Variants in INSL4 observed in about 807,000 individuals in gnomAD.
INSL4 encodes the protein insulin like 4, also known as early placenta insulin-like peptide.
A neutral mutation model predicts 6.5 loss-of-function variants in INSL4; 7 were observed. That is an observed-to-expected ratio of 1.08 (90% confidence interval 0.61 to 2.02). INSL4 has a LOEUF of 2.02. INSL4 is among the 30% of genes most tolerant of loss of function. INSL4 has a pLI of 0.00. For missense variants in INSL4, 226 were observed against 163.2 expected, an observed-to-expected ratio of 1.38 and a Z score of -2.09; for synonymous variants, 82 against 65.8, an observed-to-expected ratio of 1.25 and a Z score of -1.19.
In INSL4 at chr9:5,231,715, C is replaced by T; in HGVS notation, c.192C>T (p.Pro64=). 1.9e-6 allele frequency: 3 copies of T among 1,613,294 alleles called. No individual in the cohort carries two copies. The highest frequency in any genetic ancestry group is 2.5e-6 in the Non-Finnish European group (3 of 1,179,558). The part of the protein sequence containing the change: ...PGGWLLESGR[P]KEMVSTSNNK... ...GGTGGCTGCTGGAATCTGGACGTCCCAAAGGTGAGAGCCCTGGACTACCAA... is the reference window on the plus strand; with the variant it reads ...GGTGGCTGCTGGAATCTGGACGTCCTAAAGGTGAGAGCCCTGGACTACCAA... The change falls in exon 1 of 2, where the codon CCC becomes CCT. Residue 64 remains proline, a synonymous_variant. Coordinates refer to ENST00000239316, the MANE Select transcript of INSL4 (RefSeq NM_002195.2).
chr9:5,231,596 G>C lies in INSL4; in HGVS notation c.73G>C (p.Ala25Pro). The C allele has an allele frequency of 1.2e-6, 2 of 1,613,914 alleles. No homozygotes were observed. Among genetic ancestry groups the C allele is most frequent in the Non-Finnish European group, 1.7e-6 (2 of 1,179,886 alleles). ...GAGCCAACTCCTTAGAGAAAGCCTA[G>C]CAGCAGAGCTGAGGGGATGTGGTCC... ...LLSQLLRESLAAELRGCGPRF... is the reference protein window; with the variant it reads ...LLSQLLRESLPAELRGCGPRF... Residue 25 changes from alanine to proline, a missense_variant, in exon 1 of 2, where the codon GCA (alanine) becomes CCA (proline). By Grantham distance (27) the Ala-to-Pro change is conservative (BLOSUM62 -1). Coordinates refer to ENST00000239316, the MANE Select transcript of INSL4 (RefSeq NM_002195.2).
At chr9:5,232,370 C>A (rs764975685) in intron 1 of INSL4, among the ~76,000 whole-genome samples, 10 of 152,050 alleles carry the variant, frequency 6.6e-5, no homozygotes, top group Non-Finnish European at 1.5e-4. Flanking sequence ...AGCACCTTGC[C>A]TCCCATTTCT....
chr9:5,233,076 A>T (rs1185028241), intron 1 of INSL4, among the ~76,000 whole-genome samples: 1 of 152,158 alleles, frequency 6.6e-6, no homozygotes, highest in Non-Finnish European at 1.5e-5. Flanking sequence ...ACTTTTTTTC[A>T]GTAAATAAGT....
chr9:5,232,231 G>C (rs904152760), intron 1 of INSL4, among the ~76,000 whole-genome samples: 3 of 152,110 alleles, frequency 2.0e-5, no homozygotes, highest in African/African-American at 7.2e-5. Context: ...CCTCTGTTAG[G>C]TTCCTGGAAT....
rs1826144311 is a variant in INSL4 at position 5,231,517 on chromosome 9, G to A, written c.-7G>A. The A allele has an allele frequency of 6.2e-7, 1 of 1,611,432 alleles. No individual in the cohort carries two copies. Among genetic ancestry groups the A allele is most frequent in the East Asian group, 2.2e-5 (1 of 44,838 alleles). Reference sequence around the variant, plus strand: ...GAACACCCAGAACAGGAGAGTTCAGGTCCAGGATGGCCAGCCTGTTCCGGT... The same window carrying A: ...GAACACCCAGAACAGGAGAGTTCAGATCCAGGATGGCCAGCCTGTTCCGGT... On this transcript the variant is annotated 5_prime_UTR_variant, in exon 1 of 2. Transcript: ENST00000239316.
chr9:5,232,464 G>T (rs1826162665), intron 1 of INSL4, among the ~76,000 whole-genome samples: 1 of 152,046 alleles, frequency 6.6e-6, no homozygotes, highest in Non-Finnish European at 1.5e-5. Flanking sequence ...AAATTGAAGG[G>T]GACCAGAGAC....
chr9:5,232,709 A>G (rs1039129300), intron 1 of INSL4, among the ~76,000 whole-genome samples: 9 of 152,218 alleles, frequency 5.9e-5, no homozygotes, highest in Non-Finnish European at 1.5e-5. Flanking sequence ...TCTGTCTAAT[A>G]GGTCGTATTA....
intron 1 of INSL4, among the ~76,000 whole-genome samples, chr9:5,233,066 A>C (rs529040581): frequency 6.6e-6 from 1 of 152,292 alleles, no homozygotes; most frequent in East Asian, 1.9e-4. Context: ...TTTAAATTTC[A>C]CTTTTTTTCA....
rs1365589876 is a variant in INSL4, at chr9:5,231,543, C to G, written c.20C>G (p.Ser7Cys). 2 of 1,613,286 alleles carry G rather than the reference C, an allele frequency of 1.2e-6. No individual in the cohort carries two copies. The highest frequency in any genetic ancestry group is 1.1e-5 in the South Asian group (1 of 91,016). Residue 7 changes from serine to cysteine, a missense_variant, in exon 1 of 2, where the codon TCC becomes TGC. Ser to Cys is a moderately radical substitution (Grantham distance 112). Transcript: ENST00000239316. The part of the protein sequence containing the change: MASLFR[S>C]YLPAIWLLLS... The stretch of plus-strand genomic sequence containing the variant: ...TCCAGGATGGCCAGCCTGTTCCGGT[C>G]CTATCTGCCAGCAATCTGGCTGCTG...
intron 1 of INSL4, among the ~76,000 whole-genome samples, chr9:5,232,927 G>A (rs1252254855): frequency 1.3e-5 from 2 of 152,108 alleles, no homozygotes; most frequent in African/African-American, 4.8e-5. Flanking sequence ...CGATTTCAAA[G>A]TTATTTCCTT....
At position 5,233,645 on chromosome 9, in the gene INSL4, A is replaced by G. The variant is rs1298125026; in HGVS notation, c.197-9A>G. 1 of 1,603,330 alleles carries G rather than the reference A, an allele frequency of 6.2e-7. No homozygotes were observed. The highest frequency in any genetic ancestry group is 1.1e-5 in the South Asian group (1 of 90,766). On this transcript the variant is annotated splice_polypyrimidine_tract_variant and intron_variant, in intron 1 of 1. Coordinates refer to ENST00000239316, the MANE Select transcript of INSL4 (RefSeq NM_002195.2). Reference sequence around the variant, plus strand: ...TCCTCACCTTTCATTCCTCTCTTTTACTTCACAGAAATGGTGTCAACCTCC... The same window carrying G: ...TCCTCACCTTTCATTCCTCTCTTTTGCTTCACAGAAATGGTGTCAACCTCC...
intron 1 of INSL4, 73 bp downstream of exon 1, chr9:5,231,792 G>A: frequency 7.5e-7 from 1 of 1,336,848 alleles, no homozygotes; most frequent in Admixed American, 2.0e-5. Flanking sequence ...TTGACTGCCT[G>A]TAGTCAACTC....
rs144148792 is a variant in INSL4, at chr9:5,233,789, G to T, written c.332G>T (p.Arg111Leu). 15 of 1,613,586 alleles carry T rather than the reference G, an allele frequency of 9.3e-6. No homozygotes were observed. Among genetic ancestry groups the T allele is most frequent in the African/African-American group, 1.3e-5 (1 of 75,008 alleles). Residue 111 changes from arginine (R) to leucine (L), a missense_variant, in exon 2 of 2, where the codon CGC becomes CTC. Physicochemically the swap from Arg to Leu is moderately radical, Grantham distance 102. Coordinates refer to ENST00000239316, the MANE Select transcript of INSL4 (RefSeq NM_002195.2). ...QPSLKKIILS[R>L]KKRSGRHRFD... ...TCATTGAAGAAAATAATACTTTCCCGCAAAAAGAGAAGTGGACGTCACAGA... is the reference window on the plus strand; with the variant it reads ...TCATTGAAGAAAATAATACTTTCCCTCAAAAAGAGAAGTGGACGTCACAGA...
chr9:5,233,942 A>G lies in INSL4; in HGVS notation c.*65A>G, dbSNP rs1826188291. ...TGTATTCTCAATGACAAATTCACTG[A>G]TGCCCAATTAAATGATTGCTGTTTA... On this transcript the variant is annotated 3_prime_UTR_variant, in exon 2 of 2. Transcript: ENST00000239316. 1 of 1,034,388 alleles carries G rather than the reference A, an allele frequency of 9.7e-7. No homozygotes were observed. The highest frequency in any genetic ancestry group is 2.4e-5 in the East Asian group (1 of 41,026). The allele number at this position is 1,034,388 out of a possible 1,614,324, so 64.1% of individuals were successfully genotyped here.
chr9:5,232,172 T>C (rs1313338602), intron 1 of INSL4, among the ~76,000 whole-genome samples: 2 of 152,094 alleles, frequency 1.3e-5, no homozygotes, highest in Non-Finnish European at 2.9e-5. Flanking sequence ...GATGAGCTGA[T>C]TATCATTTCT....
Position 5,234,173 on chromosome 9 carries a change from G to T in INSL4, c.*296G>T. 3 of 306,178 alleles carry T rather than the reference G, an allele frequency of 9.8e-6. No individual in the cohort carries two copies. The highest frequency in any genetic ancestry group is 4.4e-5 in the South Asian group (1 of 22,720). 19.0% of individuals were successfully genotyped at this position (306,178 alleles called of 1,614,324 possible). A position where few individuals can be genotyped will look rare whatever the true frequency, so the allele number is the denominator to read the frequency against. Reference sequence around the variant, plus strand: ...TGATTCCAACACAAAAAAGATGAATGTTAGTTTGGATGCATATCCCAATTA... The same window carrying T: ...TGATTCCAACACAAAAAAGATGAATTTTAGTTTGGATGCATATCCCAATTA... On this transcript the variant is annotated 3_prime_UTR_variant, in exon 2 of 2. Transcript: ENST00000239316.
Position 5,231,484 on chromosome 9 carries a change from A to G in INSL4, c.-40A>G, listed in dbSNP as rs1826143602. ...GGCTACAGCAGCAAGTCTCTAAAGAAAGGCTGAGAACACCCAGAACAGGAG... is the reference window on the plus strand; with the variant it reads ...GGCTACAGCAGCAAGTCTCTAAAGAGAGGCTGAGAACACCCAGAACAGGAG... On this transcript the variant is annotated 5_prime_UTR_variant, in exon 1 of 2. Transcript: ENST00000239316. 1 of 1,586,392 alleles carries G rather than the reference A, an allele frequency of 6.3e-7. No homozygotes were observed. Among genetic ancestry groups the G allele is most frequent in the South Asian group, 1.1e-5 (1 of 87,272 alleles).
Position 5,233,875 on chromosome 9 carries a change from T to C in INSL4, c.418T>C (p.Ter140GlnextTer1), listed in dbSNP as rs889574611. 5 of 1,589,054 alleles carry C rather than the reference T, an allele frequency of 3.1e-6. No individual in the cohort carries two copies. Among genetic ancestry groups the C allele is most frequent in the Non-Finnish European group, 4.3e-6 (5 of 1,157,742 alleles). ...TGGAACTTCAGTTAAATTATGTACA[T>C]AGTAGAGTAATCATGGACTGGACAT... Reference protein sequence around the residue: ...DDGTSVKLCT* With the variant: ...DDGTSVKLCTQ Residue 140 changes from the stop codon to glutamine, a stop_lost, in exon 2 of 2, where the codon TAG (stop) becomes CAG (glutamine). Transcript: ENST00000239316.
chr9:5,233,673 C>T lies in INSL4; in HGVS notation c.216C>T (p.Asn72=). 6.2e-7 allele frequency: 1 copy of T among 1,613,380 alleles called. No homozygotes were observed. Among genetic ancestry groups the T allele is most frequent in the Non-Finnish European group, 8.5e-7 (1 of 1,179,542 alleles). The stretch of plus-strand genomic sequence containing the variant: ...TCACAGAAATGGTGTCAACCTCCAA[C>T]AACAAAGATGGACAAGCCTTAGGTA... ...GRPKEMVSTS[N]NKDGQALGTT... Residue 72 remains asparagine (N), a synonymous_variant, in exon 2 of 2, where the codon AAC becomes AAT. Transcript: ENST00000239316.
Sources: gnomAD v4.1 joint callset for allele counts (sites outside exome capture counted in the v4.1 genomes callset) on GRCh38, gnomAD v4.1.1 for gene constraint, MANE v1.5 for transcripts, NCBI Gene and HGNC (gene_info 2026-07-23, HGNC 2026-07-21) for gene names.